Variants in PTPRM observed in about 807,000 individuals in gnomAD.
PTPRM encodes protein tyrosine phosphatase receptor type M.
A neutral mutation model predicts 186.7 loss-of-function variants in PTPRM; 47 were observed. The observed-to-expected ratio is 0.25, with a 90% CI of 0.20 to 0.32. PTPRM has a LOEUF of 0.32. Among genes scored for constraint, PTPRM ranks in the 10% least tolerant of loss-of-function variants. The pLI, the probability that PTPRM is intolerant of heterozygous loss-of-function variation, is 1.00. For synonymous variants in PTPRM, 668 were observed against 674.9 expected (o/e 0.99, Z 0.16); for missense variants, 1,494 against 1,865.0 (o/e 0.80, Z 3.66).
At chr18:7,602,776 T>C (rs181106741) in intron 1 of PTPRM, among the ~76,000 whole-genome samples, 1 of 150,636 alleles carries the variant, frequency 6.6e-6, no homozygotes. Context: ...AGTGTTGGCA[T>C]TTAAAAAAAG....
At position 7,751,966 on chromosome 18, in the gene PTPRM, A is replaced by G. The variant is rs138495127; in HGVS notation, c.74-22183A>G. 3.0e-3 allele frequency among the ~76,000 whole-genome samples: 451 copies of G among 152,352 alleles called. 2 individuals are homozygous for G. Among genetic ancestry groups the G allele is most frequent in the African/African-American group, 0.01 (426 of 41,586 alleles). The stretch of plus-strand genomic sequence containing the variant: ...GTGAAGTGCAAGTTTGACGGGACAT[A>G]GGGAGACCTTATTTGGTTAGGGTGG... On this transcript the variant is annotated intron_variant, in intron 1 of 32. Transcript: ENST00000580170.
At chr18:7,932,288 A>G (rs1261872093) in intron 5 of PTPRM, among the ~76,000 whole-genome samples, 2 of 152,200 alleles carry the variant, frequency 1.3e-5, no homozygotes, top group Non-Finnish European at 1.5e-5. Flanking sequence ...CTTCACAGTC[A>G]TTAGAGGTCC....
At chr18:8,328,395 C>A (rs2148138079) in intron 22 of PTPRM, among the ~76,000 whole-genome samples, 1 of 152,256 alleles carries the variant, frequency 6.6e-6, no homozygotes, top group Middle Eastern at 3.4e-3. Flanking sequence ...TTTTTTAAAT[C>A]AAAAGCTCAG....
chr18:7,984,783 A>G (rs2082769268), intron 7 of PTPRM, among the ~76,000 whole-genome samples: 1 of 137,760 alleles, frequency 7.3e-6, no homozygotes, highest in Non-Finnish European at 1.5e-5. Flanking sequence ...ACATAAAATT[A>G]TATACACACA....
rs746882126 is a variant in PTPRM at position 8,380,371 on chromosome 18, G to A, written c.3862G>A (p.Val1288Ile). 6.2e-7 allele frequency: 1 copy of A among 1,614,194 alleles called. No individual in the cohort carries two copies. Among genetic ancestry groups the A allele is most frequent in the Non-Finnish European group, 8.5e-7 (1 of 1,180,024 alleles). The change falls in exon 29 of 33, where the codon GTC becomes ATC. Residue 1288 changes from valine to isoleucine, a missense_variant. Coordinates refer to ENST00000580170, the MANE Select transcript of PTPRM (RefSeq NM_001105244.2). Reference sequence around the variant, plus strand: ...CACAGTGAAAGACTTTTGGAGACTGGTCCTGGATTATCACTGCACATCCGT... The same window carrying A: ...CACAGTGAAAGACTTTTGGAGACTGATCCTGGATTATCACTGCACATCCGT... ...PNTVKDFWRL[V>I]LDYHCTSVVM...
At chr18:8,310,512 T>G (rs1408605274) in intron 20 of PTPRM, among the ~76,000 whole-genome samples, 1 of 149,250 alleles carries the variant, frequency 6.7e-6, no homozygotes, top group South Asian at 2.2e-4. Flanking sequence ...CCTCCTGGCC[T>G]GAATACACAC....
At chr18:7,797,951 C>T (rs575176853) in intron 2 of PTPRM, among the ~76,000 whole-genome samples, 4 of 152,156 alleles carry the variant, frequency 2.6e-5, no homozygotes, top group Non-Finnish European at 5.9e-5. Context: ...GCCTTGACTT[C>T]GGATGTCCCT....
intron 2 of PTPRM, among the ~76,000 whole-genome samples, chr18:7,848,844 TA>T (rs528686875): frequency 5.3e-4 from 80 of 152,232 alleles, no homozygotes; most frequent in Non-Finnish European, 9.1e-4. Flanking sequence ...CCACTGTTTC[TA>T]AAATGAAGTT....
In PTPRM at chr18:7,567,753, G is replaced by C; in HGVS notation, c.-66G>C. 3 of 1,408,514 alleles carry C rather than the reference G, an allele frequency of 2.1e-6. No homozygotes were observed. Among genetic ancestry groups the C allele is most frequent in the Non-Finnish European group, 1.9e-6 (2 of 1,059,528 alleles). 87.3% of individuals were successfully genotyped at this position (1,408,514 alleles called of 1,614,324 possible). A position where few individuals can be genotyped will look rare whatever the true frequency, so the allele number is the denominator to read the frequency against. On this transcript the variant is annotated 5_prime_UTR_variant, in exon 1 of 33. Transcript: ENST00000580170. The surrounding 1 kb of genome is among the most constrained non-coding windows in gnomAD (Gnocchi z 4.3). ...TCGCTGCCTCGGAACCAAAGCTCCC[G>C]GCCCCCTCCGCCCTCGCGCGCCCAC... is the stretch of plus-strand genomic sequence containing the variant.
At chr18:8,219,515 G>A (rs964502084) in intron 14 of PTPRM, among the ~76,000 whole-genome samples, 2 of 151,818 alleles carry the variant, frequency 1.3e-5, no homozygotes, top group Non-Finnish European at 2.9e-5. Context: ...CGTGGCCCAA[G>A]GAAAAACAGT....
intron 2 of PTPRM, among the ~76,000 whole-genome samples, chr18:7,832,663 T>C (rs1471685289): frequency 6.6e-6 from 1 of 152,182 alleles, no homozygotes; most frequent in Non-Finnish European, 1.5e-5. Context: ...TTGCTGGTAC[T>C]TGTGAGGTAT....
At chr18:7,819,911 G>A (rs551782942) in intron 2 of PTPRM, among the ~76,000 whole-genome samples, 10 of 152,292 alleles carry the variant, frequency 6.6e-5, no homozygotes, top group Admixed American at 5.2e-4. Context: ...GGCCTGGAGC[G>A]GGAAGCAGAC....
chr18:7,666,557 G>A lies in PTPRM; in HGVS notation c.73+98666G>A, dbSNP rs145416681. Among the ~76,000 whole-genome samples, 47 of 152,272 alleles carry A rather than the reference G, an allele frequency of 3.1e-4. No homozygotes were observed. The East Asian group carries it at 8.1e-3, about 26-fold the overall frequency. ...ACAGTACTTTGTCCCAACACTAGGG[G>A]CAATTATATAGATTTAATTCCACCT... On this transcript the variant is annotated intron_variant, in intron 1 of 32. Transcript: ENST00000580170.
chr18:7,941,723 G>A (rs1044433814), intron 5 of PTPRM, among the ~76,000 whole-genome samples: 2 of 152,208 alleles, frequency 1.3e-5, no homozygotes, highest in Admixed American at 6.5e-5. Flanking sequence ...GAGCAGCTGC[G>A]ACTCTGGTCG....
intron 14 of PTPRM, among the ~76,000 whole-genome samples, chr18:8,199,119 A>G (rs1442979064): frequency 6.6e-6 from 1 of 152,172 alleles, no homozygotes; most frequent in Non-Finnish European, 1.5e-5. Context: ...TCATAATAAT[A>G]ACACTGAAAT....
intron 7 of PTPRM, among the ~76,000 whole-genome samples, chr18:7,974,961 C>T (rs138739498): frequency 6.6e-6 from 1 of 152,184 alleles, no homozygotes; most frequent in East Asian, 1.9e-4. Context: ...CCATGTTTAT[C>T]ATTCAGTTGG....
At chr18:8,325,208 T>C (rs1164387848) in intron 22 of PTPRM, among the ~76,000 whole-genome samples, 2 of 152,186 alleles carry the variant, frequency 1.3e-5, no homozygotes, top group Non-Finnish European at 2.9e-5. Context: ...GCAGGTTTGT[T>C]ATACAGGTAA....
chr18:7,835,791 G>T (rs1364344489), intron 2 of PTPRM, among the ~76,000 whole-genome samples: 2 of 151,958 alleles, frequency 1.3e-5, no homozygotes, highest in South Asian at 4.1e-4. Flanking sequence ...ATAGCCTCTT[G>T]CTAAATTGAC....
At chr18:8,351,124 AG>A (rs1472598613) in intron 23 of PTPRM, among the ~76,000 whole-genome samples, 1 of 152,174 alleles carries the variant, frequency 6.6e-6, no homozygotes, top group African/African-American at 2.4e-5. Context: ...CTGCTTAACC[AG>A]GGCCCTTCAT....
Sources: allele counts gnomAD v4.1 joint callset (sites outside exome capture counted in the v4.1 genomes callset), GRCh38; gene constraint gnomAD v4.1.1; non-coding constraint Gnocchi (gnomAD v3.1); transcripts MANE v1.5; gene names NCBI Gene and HGNC (gene_info 2026-07-23, HGNC 2026-07-21).